Variants in KCNIP4 observed in about 807,000 individuals in gnomAD.
The protein encoded by KCNIP4 is potassium voltage-gated channel interacting protein 4, also known as Kv channel-interacting protein 4.
Under a neutral mutation model 34.0 loss-of-function variants are expected in KCNIP4, and 12 were observed. The observed-to-expected ratio is 0.35, with a 90% CI of 0.23 to 0.57. KCNIP4 has a LOEUF of 0.57. KCNIP4 is among the 20% of genes least tolerant of loss of function. KCNIP4 has a pLI of 0.83. For missense variants in KCNIP4, 238 were observed against 311.7 expected (o/e 0.76, Z 1.78); for synonymous variants, 124 against 102.2 (o/e 1.21, Z -1.29).
At chr4:21,128,049 G>T (rs922516414) in intron 1 of KCNIP4, among the ~76,000 whole-genome samples, 1 of 152,194 alleles carries the variant, frequency 6.6e-6, no homozygotes, top group African/African-American at 2.4e-5. Context: ...AAGGGTTCCT[G>T]GTCTGTTCCT....
intron 1 of KCNIP4, among the ~76,000 whole-genome samples, chr4:21,000,584 C>T (rs1255689361): frequency 6.6e-6 from 1 of 151,856 alleles, no homozygotes; most frequent in African/African-American, 2.4e-5. Flanking sequence ...ACTAGGGAGG[C>T]TGAGGCAGGA....
intron 1 of KCNIP4, among the ~76,000 whole-genome samples, chr4:21,277,732 G>T (rs1762524307): frequency 6.6e-6 from 1 of 152,146 alleles, no homozygotes; most frequent in South Asian, 2.1e-4. Flanking sequence ...ATCAATAAAA[G>T]AGAAACACAT....
chr4:21,517,875 C>T (rs1215231791), intron 1 of KCNIP4, among the ~76,000 whole-genome samples: 3 of 152,126 alleles, frequency 2.0e-5, no homozygotes, highest in Admixed American at 6.5e-5. Context: ...TTGTAGAAGA[C>T]CTAAACTAGG....
chr4:20,889,836 A>C (rs1465046110), intron 1 of KCNIP4, among the ~76,000 whole-genome samples: 1 of 151,998 alleles, frequency 6.6e-6, no homozygotes, highest in Non-Finnish European at 1.5e-5. Flanking sequence ...CCAAACTGCT[A>C]GTATACTAAC....
chr4:21,567,994 C>CT (rs1257164159), intron 1 of KCNIP4, among the ~76,000 whole-genome samples: 1 of 152,114 alleles, frequency 6.6e-6, no homozygotes, highest in Non-Finnish European at 1.5e-5. Flanking sequence ...GTCAGCGCTG[C>CT]TATGTAGTTT....
chr4:21,509,456 G>A (rs79594251), intron 1 of KCNIP4, among the ~76,000 whole-genome samples: 1,536 of 152,250 alleles, frequency 0.01, 25 homozygotes, highest in African/African-American at 0.034. Context: ...TTGTTGGGAT[G>A]ATAACAAAGA....
rs189542755 is a variant in KCNIP4, at chr4:21,203,765, T to C, written c.62-321056A>G. Among the ~76,000 whole-genome samples, 22 of 152,338 alleles carry C rather than the reference T, an allele frequency of 1.4e-4. No homozygotes were observed. In the East Asian group the frequency reaches 4.0e-3, roughly 28 times the overall value. ...ACTTCCTATCTATGTCTTATGAATG[T>C]CTTAAAGAATTTTCATAAACTTGAA... On this transcript the variant is annotated intron_variant, in intron 1 of 8. Coordinates refer to ENST00000382152, the MANE Select transcript of KCNIP4 (RefSeq NM_025221.6).
At chr4:21,577,030 G>GT (rs1009795369) in intron 1 of KCNIP4, among the ~76,000 whole-genome samples, 1 of 151,936 alleles carries the variant, frequency 6.6e-6, no homozygotes, top group African/African-American at 2.4e-5. Context: ...ACCCTGTGTG[G>GT]TTTTACCTAT....
At chr4:21,775,748 T>A (rs1312021215) in intron 1 of KCNIP4, among the ~76,000 whole-genome samples, 1 of 152,156 alleles carries the variant, frequency 6.6e-6, no homozygotes, top group Non-Finnish European at 1.5e-5. Flanking sequence ...TGGCCACAAC[T>A]TGTGTGTTGG....
At chr4:21,558,613 A>T (rs78428833) in intron 1 of KCNIP4, among the ~76,000 whole-genome samples, 6 of 152,160 alleles carry the variant, frequency 3.9e-5, no homozygotes, top group African/African-American at 1.4e-4. Flanking sequence ...CTCATTAGAG[A>T]GTTCTGTCAT....
At chr4:21,624,077 C>T (rs1577710743) in intron 1 of KCNIP4, among the ~76,000 whole-genome samples, 1 of 152,212 alleles carries the variant, frequency 6.6e-6, no homozygotes, top group East Asian at 1.9e-4. Context: ...TCCCTTCCCT[C>T]CCCAAGAGGC....
chr4:20,730,038 A>AATAGTTCACATTT lies in KCNIP4; in HGVS notation c.*31_*43dup, dbSNP rs1414941441. On this transcript the variant is annotated 3_prime_UTR_variant, in exon 9 of 9. Coordinates refer to ENST00000382152, the MANE Select transcript of KCNIP4 (RefSeq NM_025221.6). Reference sequence around the variant, plus strand: ...GTAGCTCCAACTTTAAGGGTGGTAGAATAGTTCACATTTGTCTGTTGGATT... The same window carrying AATAGTTCACATTT: ...GTAGCTCCAACTTTAAGGGTGGTAGAATAGTTCACATTTATAGTTCACATTTGTCTGTTGGATT... The AATAGTTCACATTT allele has an allele frequency of 6.3e-7, 1 of 1,587,340 alleles. No homozygotes were observed. The highest frequency in any genetic ancestry group is 8.6e-7 in the Non-Finnish European group (1 of 1,169,296).
chr4:21,837,924 C>T (rs965933499), intron 1 of KCNIP4, among the ~76,000 whole-genome samples: 3 of 152,078 alleles, frequency 2.0e-5, no homozygotes, highest in African/African-American at 2.4e-5. Context: ...CCAATTATCT[C>T]CAGGCATGTT....
intron 1 of KCNIP4, among the ~76,000 whole-genome samples, chr4:21,908,995 C>T (rs1728152865): frequency 6.6e-6 from 1 of 151,902 alleles, no homozygotes; most frequent in Non-Finnish European, 1.5e-5. Flanking sequence ...GTTTATGTGT[C>T]ATTAGATTAA....
chr4:20,961,773 GAAATAGAC>G (rs1733873826), intron 1 of KCNIP4, among the ~76,000 whole-genome samples: 1 of 152,144 alleles, frequency 6.6e-6, no homozygotes, highest in South Asian at 2.1e-4. Context: ...GACATGAAAA[GAAATAGAC>G]AAAATATCCA....
rs531607801 is a variant in KCNIP4 at position 20,999,529 on chromosome 4, C to T, written c.62-116820G>A. The stretch of plus-strand genomic sequence containing the variant: ...ACAGCATCAAATGTGTCCTTCAGAA[C>T]GATCACCGTGGTTGCTGTGTGGACA... On this transcript the variant is annotated intron_variant, in intron 1 of 8. Coordinates refer to ENST00000382152, the MANE Select transcript of KCNIP4 (RefSeq NM_025221.6). 1.1e-3 allele frequency among the ~76,000 whole-genome samples: 166 copies of T among 145,546 alleles called. 1 individual carries two copies. Among genetic ancestry groups the T allele is most frequent in the African/African-American group, 4.1e-3 (163 of 39,338 alleles).
At chr4:21,510,562 T>C (rs1034521265) in intron 1 of KCNIP4, among the ~76,000 whole-genome samples, 2 of 152,182 alleles carry the variant, frequency 1.3e-5, no homozygotes, top group African/African-American at 2.4e-5. Context: ...AATGGAATAA[T>C]GTGGGTTCTA....
chr4:21,114,776 G>T (rs1257431292), intron 1 of KCNIP4, among the ~76,000 whole-genome samples: 3 of 152,050 alleles, frequency 2.0e-5, no homozygotes, highest in African/African-American at 4.8e-5. Context: ...GTGTAGGAAG[G>T]TTAAGGAATT....
intron 1 of KCNIP4, among the ~76,000 whole-genome samples, chr4:21,030,881 A>G (rs530851813): frequency 2.6e-5 from 4 of 152,264 alleles, no homozygotes; most frequent in African/African-American, 9.6e-5. Flanking sequence ...CAGAAATATG[A>G]TGTCCTGACC....
Sources: allele counts gnomAD v4.1 joint callset (sites outside exome capture counted in the v4.1 genomes callset), GRCh38; gene constraint gnomAD v4.1.1; transcripts MANE v1.5; gene names NCBI Gene and HGNC (gene_info 2026-07-23, HGNC 2026-07-21).